WFDC1: variants seen among roughly 807,000 people sequenced by gnomAD.
The protein encoded by WFDC1 is WAP four-disulfide core domain 1, also known as WAP four-disulfide core domain protein 1.
WFDC1 carries 39 observed loss-of-function variants against 32.9 expected under a neutral mutation model. The ratio of observed to expected loss-of-function variants is 1.19; its 90% CI spans 0.92 to 1.55. The LOEUF (loss-of-function observed/expected upper bound fraction) is 1.55, where lower values mean the gene tolerates loss of function less well. Among genes scored for constraint, WFDC1 ranks in the 40% most tolerant of loss-of-function variants. The pLI is 0.00. For missense variants in WFDC1, 386 were observed against 309.5 expected (o/e 1.25, Z -1.85); for synonymous variants, 184 against 137.4 (o/e 1.34, Z -2.37).
At chr16:84,309,054 G>A (rs987946956) in intron 1 of WFDC1, among the ~76,000 whole-genome samples, 1 of 152,212 alleles carries the variant, frequency 6.6e-6, no homozygotes, top group African/African-American at 2.4e-5. Flanking sequence ...AAGCCCTAGA[G>A]CCGGGATTTG....
chr16:84,323,272 A>C (rs898408561), intron 4 of WFDC1, among the ~76,000 whole-genome samples: 6 of 152,222 alleles, frequency 3.9e-5, no homozygotes, highest in Admixed American at 1.3e-4. Flanking sequence ...TATGGCCACA[A>C]AACAAAAGAA....
chr16:84,303,684 A>C (rs1233169035), intron 1 of WFDC1, among the ~76,000 whole-genome samples: 3 of 152,220 alleles, frequency 2.0e-5, no homozygotes, highest in Admixed American at 6.5e-5. Context: ...TGAAATTCAC[A>C]TGACAGACAA....
chr16:84,327,281 C>T (rs1908659603), intron 6 of WFDC1: 1 of 282,058 alleles, frequency 3.5e-6, no homozygotes, highest in South Asian at 5.4e-5. Context: ...GCCTCAGACT[C>T]CTAGGCTCAA....
At chr16:84,300,767 C>G (rs1267246662) in intron 1 of WFDC1, among the ~76,000 whole-genome samples, 1 of 152,102 alleles carries the variant, frequency 6.6e-6, no homozygotes, top group East Asian at 1.9e-4. Context: ...GTCAGGAGTT[C>G]GAGACCAGCC....
intron 4 of WFDC1, among the ~76,000 whole-genome samples, chr16:84,323,544 A>T (rs1294100221): frequency 6.6e-6 from 1 of 152,240 alleles, no homozygotes; most frequent in East Asian, 1.9e-4. Context: ...CATACGGCTC[A>T]TCCTAATACT....
At chr16:84,296,587 G>A (rs555003021) in intron 1 of WFDC1, among the ~76,000 whole-genome samples, 2 of 152,308 alleles carry the variant, frequency 1.3e-5, no homozygotes, top group East Asian at 1.9e-4. Flanking sequence ...GCCTGAAACT[G>A]TATTGAGACA....
At chr16:84,297,929 C>G (rs555684930) in intron 1 of WFDC1, among the ~76,000 whole-genome samples, 56 of 152,192 alleles carry the variant, frequency 3.7e-4, no homozygotes, top group Non-Finnish European at 6.5e-4. Flanking sequence ...CCGTGAGGCA[C>G]CACTCCCTCA....
At chr16:84,315,583 C>T (rs1484972061) in intron 2 of WFDC1, among the ~76,000 whole-genome samples, 1 of 152,192 alleles carries the variant, frequency 6.6e-6, no homozygotes, top group Non-Finnish European at 1.5e-5. Flanking sequence ...GGCATATTGA[C>T]ATTTGGGATT....
chr16:84,327,105 C>CA (rs1870347763), intron 6 of WFDC1, 150 bp downstream of exon 6: 1 of 696,656 alleles, frequency 1.4e-6, no homozygotes, highest in African/African-American at 1.8e-5. Context: ...AGTAAGTCCT[C>CA]ACCTAACGTC....
chr16:84,304,871 C>G (rs1374149119), intron 1 of WFDC1, among the ~76,000 whole-genome samples: 1 of 152,146 alleles, frequency 6.6e-6, no homozygotes, highest in African/African-American at 2.4e-5. Flanking sequence ...GGCTGGGCCA[C>G]AGGAGGGCAG....
At chr16:84,315,732 TC>T (rs1336691772) in intron 2 of WFDC1, among the ~76,000 whole-genome samples, 1 of 152,172 alleles carries the variant, frequency 6.6e-6, no homozygotes, top group African/African-American at 2.4e-5. Context: ...CTCTAATCTT[TC>T]CTAAATGCTC....
intron 1 of WFDC1, among the ~76,000 whole-genome samples, chr16:84,305,504 G>A (rs186956402): frequency 6.5e-4 from 99 of 152,300 alleles, no homozygotes; most frequent in African/African-American, 2.3e-3. Flanking sequence ...TTTCTCGTAC[G>A]TGTATCTGCA....
At chr16:84,326,537 G>A in intron 5 of WFDC1, 1 of 248,242 alleles carries the variant, frequency 4.0e-6, no homozygotes, top group East Asian at 7.8e-5. Context: ...CTAAGGAGGA[G>A]ACATGAAAGC....
At chr16:84,309,697 C>T (rs1210066246) in intron 1 of WFDC1, among the ~76,000 whole-genome samples, 1 of 145,856 alleles carries the variant, frequency 6.9e-6, no homozygotes, top group Non-Finnish European at 1.5e-5. Context: ...CAGAGCCGCG[C>T]CCCCCCAACT....
At chr16:84,324,785 C>T (rs755050937) in intron 5 of WFDC1, among the ~76,000 whole-genome samples, 5 of 152,164 alleles carry the variant, frequency 3.3e-5, no homozygotes, top group Admixed American at 1.3e-4. Context: ...TCCATTGATC[C>T]ATCCATCTCT....
intron 1 of WFDC1, among the ~76,000 whole-genome samples, chr16:84,306,727 C>T (rs940622272): frequency 6.6e-6 from 1 of 151,890 alleles, no homozygotes; most frequent in Non-Finnish European, 1.5e-5. Flanking sequence ...AGAAGGGTGC[C>T]CAGCAAACTG....
At chr16:84,295,291 C>A (rs1042632017) in intron 1 of WFDC1, 176 bp downstream of exon 1, 3 of 696,874 alleles carry the variant, frequency 4.3e-6, no homozygotes, top group Non-Finnish European at 6.7e-6. Flanking sequence ...GGGCTCACCC[C>A]CAAAAAAGGA....
chr16:84,318,388 C>G (rs112453270), intron 3 of WFDC1, 33 bp downstream of exon 3: 5 of 1,604,888 alleles, frequency 3.1e-6, no homozygotes, highest in African/African-American at 1.3e-5. Flanking sequence ...ACCCTACATC[C>G]AAGCCTCGAT....
rs774828759 is a variant in WFDC1 at position 84,326,920 on chromosome 16, C to A, written c.643C>A (p.Gln215Lys). The change falls in exon 6 of 7, where the codon CAA (glutamine) becomes AAA (lysine). Residue 215 changes from glutamine to lysine, a missense_variant. Physicochemically the swap from Gln to Lys is moderately conservative, Grantham distance 53. Transcript: ENST00000219454. ...SKNVAEPGRG[Q>K]QKHFQ ...GAATGTGGCAGAACCTGGAAGGGGA[C>A]AACAGAAGCACTTTCAGTAAAGCAA... 3.7e-6 allele frequency: 6 copies of A among 1,614,058 alleles called. No homozygotes were observed. In the South Asian group the frequency reaches 5.5e-5, roughly 15 times the overall value.
Sources: allele counts gnomAD v4.1 joint callset (sites outside exome capture counted in the v4.1 genomes callset), GRCh38; gene constraint gnomAD v4.1.1; transcripts MANE v1.5; gene names NCBI Gene and HGNC (gene_info 2026-07-23, HGNC 2026-07-21).